ADCY9: variants seen among roughly 807,000 people sequenced by gnomAD.
The protein encoded by ADCY9 is adenylate cyclase 9, also known as adenylate cyclase type 9.
ADCY9 carries 50 observed loss-of-function variants against 101.5 expected under a neutral mutation model. The observed-to-expected ratio is 0.49, with a 90% confidence interval of 0.39 to 0.62. The LOEUF (loss-of-function observed/expected upper bound fraction) is 0.62, where lower values mean the gene tolerates loss of function less well. Ranked by LOEUF, ADCY9 falls within the 20% of genes least tolerant of loss-of-function variation. The probability of loss-of-function intolerance (pLI) is 0.00; values close to 1 mark genes in which losing one functional copy is unlikely to be tolerated. For missense variants in ADCY9, 1,662 were observed against 1,800.4 expected, an observed-to-expected ratio of 0.92 and a Z score of 1.39; for synonymous variants, 905 against 769.3, an observed-to-expected ratio of 1.18 and a Z score of -2.92.
At chr16:4,072,836 T>A (rs189762597) in intron 2 of ADCY9, among the ~76,000 whole-genome samples, 237 of 151,666 alleles carry the variant, frequency 1.6e-3, no homozygotes, top group Middle Eastern at 6.8e-3. Flanking sequence ...ACAGTGGGAA[T>A]TGGGAAACAT....
Position 3,963,789 on chromosome 16 carries a change from C to G in ADCY9, c.*1986G>C, listed in dbSNP as rs2055961716. On this transcript the variant is annotated 3_prime_UTR_variant, in exon 11 of 11. Coordinates refer to ENST00000294016, the MANE Select transcript of ADCY9 (RefSeq NM_001116.4). ...CTTAATACTGATGCAGAAAGAGCTT[C>G]ATGTGACCACAATCCCCACGAACAA... The G allele has an allele frequency of 6.2e-6, 1 of 160,382 alleles. No individual in the cohort carries two copies. The highest frequency in any genetic ancestry group is 2.4e-5 in the African/African-American group (1 of 41,726). 9.9% of individuals were successfully genotyped at this position (160,382 alleles called of 1,614,324 possible). A position where few individuals can be genotyped will look rare whatever the true frequency, so the allele number is the denominator to read the frequency against.
intron 6 of ADCY9, among the ~76,000 whole-genome samples, chr16:3,987,860 T>C (rs1011381183): frequency 1.3e-5 from 2 of 152,238 alleles, no homozygotes; most frequent in East Asian, 3.9e-4. Context: ...AGGTTAGGTT[T>C]GGGCCCAGAG....
intron 2 of ADCY9, among the ~76,000 whole-genome samples, chr16:4,097,675 T>G (rs2057017286): frequency 6.7e-6 from 1 of 149,866 alleles, no homozygotes; most frequent in Admixed American, 6.7e-5. Flanking sequence ...GCTTCCCGAG[T>G]AGCTGGGATT....
intron 7 of ADCY9, chr16:3,982,580 T>C (rs2041247): frequency 0.76 from 116,024 of 152,246 alleles, 45,113 homozygotes; most frequent in Non-Finnish European, 0.84. Context: ...CTGTGGTCTA[T>C]TCGGAGCCTC....
At chr16:4,083,821 A>G (rs532703152) in intron 2 of ADCY9, among the ~76,000 whole-genome samples, 12 of 152,180 alleles carry the variant, frequency 7.9e-5, no homozygotes, top group Non-Finnish European at 1.6e-4. Flanking sequence ...GCAAAGAGAC[A>G]GAAAGCAGCT....
chr16:4,056,577 C>T (rs555182422), intron 2 of ADCY9, among the ~76,000 whole-genome samples: 7 of 152,120 alleles, frequency 4.6e-5, no homozygotes, highest in South Asian at 2.1e-4. Context: ...AAGGGGCTTT[C>T]GTCCTCCTAG....
intron 2 of ADCY9, among the ~76,000 whole-genome samples, chr16:4,020,016 T>C (rs199832694): frequency 6.6e-6 from 1 of 151,952 alleles, no homozygotes; most frequent in African/African-American, 2.4e-5. Flanking sequence ...GGGTGAAGGC[T>C]GCAGTGAGCT....
At chr16:4,049,610 G>A (rs1176785152) in intron 2 of ADCY9, among the ~76,000 whole-genome samples, 3 of 152,038 alleles carry the variant, frequency 2.0e-5, no homozygotes, top group Non-Finnish European at 4.4e-5. Flanking sequence ...CAATAAAAGT[G>A]ACCCTCTGAG....
At chr16:4,049,854 C>T (rs909788038) in intron 2 of ADCY9, among the ~76,000 whole-genome samples, 2 of 152,020 alleles carry the variant, frequency 1.3e-5, no homozygotes, top group African/African-American at 4.8e-5. Context: ...AAGGTAAGAC[C>T]GACCCTGTTT....
At chr16:4,010,694 T>C (rs2056398420) in intron 2 of ADCY9, among the ~76,000 whole-genome samples, 1 of 151,978 alleles carries the variant, frequency 6.6e-6, no homozygotes, top group African/African-American at 2.4e-5. Flanking sequence ...GAAGGACGGG[T>C]GCTCCAGGAA....
chr16:3,985,384 C>A (rs1008626641), intron 6 of ADCY9, among the ~76,000 whole-genome samples: 4 of 152,148 alleles, frequency 2.6e-5, no homozygotes, highest in Non-Finnish European at 4.4e-5. Flanking sequence ...GATCTGCCTG[C>A]CTCGGCCTCC....
At position 4,078,427 on chromosome 16, in the gene ADCY9, G is replaced by A. The variant is rs186852077; in HGVS notation, c.1693+35323C>T. Among the ~76,000 whole-genome samples, 226 of 152,100 alleles carry A rather than the reference G, an allele frequency of 1.5e-3. 1 individual carries two copies. The highest frequency in any genetic ancestry group is 5.2e-3 in the African/African-American group (215 of 41,518). ...AATACTTAAAAATTAGCCAGGTGTGGTGGTGTACACCTGTAGTCCCAGCTA... is the reference window on the plus strand; with the variant it reads ...AATACTTAAAAATTAGCCAGGTGTGATGGTGTACACCTGTAGTCCCAGCTA... On this transcript the variant is annotated intron_variant, in intron 2 of 10. Transcript: ENST00000294016.
intron 10 of ADCY9, among the ~76,000 whole-genome samples, chr16:3,972,234 CTT>C (rs34224958): frequency 5.1e-4 from 73 of 144,536 alleles, no homozygotes; most frequent in Non-Finnish European, 3.5e-4. Flanking sequence ...TTTTTCTTTT[CTT>C]TTTTTTTTTT....
At chr16:4,060,071 G>C (rs566141318) in intron 2 of ADCY9, among the ~76,000 whole-genome samples, 1 of 152,274 alleles carries the variant, frequency 6.6e-6, no homozygotes, top group African/African-American at 2.4e-5. Flanking sequence ...TGCTGGAGGG[G>C]TTGACTTGAT....
Position 3,966,582 on chromosome 16 carries a change from G to A in ADCY9, c.3255C>T (p.Leu1085=). The A allele has an allele frequency of 6.2e-7, 1 of 1,614,200 alleles. No individual in the cohort carries two copies. Among genetic ancestry groups the A allele is most frequent in the Non-Finnish European group, 8.5e-7 (1 of 1,180,046 alleles). ...CGTCAAAGTCCCCGATGAGCTCGTT[G>A]AGGACCCGGTAGCACTCCTTGCCGC... The part of the protein sequence containing the change: ...YEGGKECYRV[L]NELIGDFDEL... Residue 1085 remains leucine, a synonymous_variant, in exon 11 of 11, where the codon CTC becomes CTT. Transcript: ENST00000294016.
chr16:4,012,400 T>C (rs1357306408), intron 2 of ADCY9, among the ~76,000 whole-genome samples: 1 of 150,280 alleles, frequency 6.7e-6, no homozygotes, highest in Admixed American at 6.7e-5. Flanking sequence ...GCAGGCGACA[T>C]GATTTAATGA....
At position 3,966,686 on chromosome 16, in the gene ADCY9, A is replaced by G. The variant is rs762310025; in HGVS notation, c.3151T>C (p.Ser1051Pro). 3 of 1,614,028 alleles carry G rather than the reference A, an allele frequency of 1.9e-6. No individual in the cohort carries two copies. The highest frequency in any genetic ancestry group is 1.7e-6 in the Non-Finnish European group (2 of 1,179,980). ...ACCCCTCCGCTGTCATGGTTCTTGG[A>G]GTAGGTCTGGGACACCTTCAGCTGC... is the stretch of plus-strand genomic sequence containing the variant. ...AEQLKVSQTY[S>P]KNHDSGGVIF... Residue 1051 changes from serine (S) to proline (P), a missense_variant, in exon 11 of 11, where the codon TCC becomes CCC. Transcript: ENST00000294016.
At chr16:4,003,480 G>A (rs1197786061) in intron 3 of ADCY9, among the ~76,000 whole-genome samples, 7 of 152,126 alleles carry the variant, frequency 4.6e-5, no homozygotes, top group South Asian at 2.1e-4. Flanking sequence ...CAGCAATCCC[G>A]AGAGGTCTCT....
At chr16:4,104,436 T>C (rs1340394759) in intron 2 of ADCY9, among the ~76,000 whole-genome samples, 1 of 152,126 alleles carries the variant, frequency 6.6e-6, no homozygotes, top group Non-Finnish European at 1.5e-5. Flanking sequence ...AACTAACATT[T>C]AAGAAACTAC....
Sources: allele counts gnomAD v4.1 joint callset (sites outside exome capture counted in the v4.1 genomes callset), GRCh38; gene constraint gnomAD v4.1.1; transcripts MANE v1.5; gene names NCBI Gene and HGNC (gene_info 2026-07-23, HGNC 2026-07-21).